The following ZNF595 variants were observed in gnomAD, a reference collection of about 807,000 sequenced individuals.
ZNF595 encodes the protein zinc finger protein 595.
Under a neutral mutation model 19.4 loss-of-function variants are expected in ZNF595, and 9 were observed. The ratio of observed to expected loss-of-function variants is 0.46; its 90% CI spans 0.28 to 0.81. ZNF595 has a LOEUF of 0.81. Among genes scored for constraint, ZNF595 ranks in the 30% least tolerant of loss-of-function variants. The pLI, the probability that ZNF595 is intolerant of heterozygous loss-of-function variation, is 0.11. For missense variants in ZNF595, 729 were observed against 736.0 expected, an observed-to-expected ratio of 0.99 and a Z score of 0.11; for synonymous variants, 255 against 255.9, an observed-to-expected ratio of 1.00 and a Z score of 0.03.
intron 1 of ZNF595, among the ~76,000 whole-genome samples, chr4:54,997 T>A (rs1581309687): frequency 1.3e-5 from 2 of 151,164 alleles, no homozygotes; most frequent in Non-Finnish European, 3.0e-5. Flanking sequence ...TTCTCCTAAC[T>A]CAGTCTCCCG....
In ZNF595 at chr4:87,045, G is replaced by A; in HGVS notation, c.1541G>A (p.Gly514Asp). 7 of 1,613,834 alleles carry A rather than the reference G, an allele frequency of 4.3e-6. No individual in the cohort carries two copies. Among genetic ancestry groups the A allele is most frequent in the Non-Finnish European group, 5.9e-6 (7 of 1,179,974 alleles). Reference protein sequence around the residue: ...GEKPYKCKECGKAFNQSSGLI... With the variant: ...GEKPYKCKECDKAFNQSSGLI... The stretch of plus-strand genomic sequence containing the variant: ...AAACCCTACAAATGTAAAGAATGTG[G>A]CAAAGCTTTTAACCAATCCTCAGGC... Residue 514 changes from glycine to aspartate, a missense_variant, in exon 4 of 4, where the codon GGC becomes GAC. Coordinates refer to ENST00000610261, the MANE Select transcript of ZNF595 (RefSeq NM_182524.4).
At position 87,139 on chromosome 4, in the gene ZNF595, T is replaced by C. The variant is rs368569511; in HGVS notation, c.1635T>C (p.Phe545=). 3 of 1,613,998 alleles carry C rather than the reference T, an allele frequency of 1.9e-6. No homozygotes were observed. ...LYKCEECGKA[F]TRSTALNEHK... ...AATGTGAAGAATGTGGCAAAGCCTT[T>C]ACTCGGTCCACAGCCCTGAATGAAC... is the stretch of plus-strand genomic sequence containing the variant. The change falls in exon 4 of 4, where the codon TTT becomes TTC. Residue 545 remains phenylalanine, a synonymous_variant. Coordinates refer to ENST00000610261, the MANE Select transcript of ZNF595 (RefSeq NM_182524.4).
chr4:68,885 C>T (rs1347034962), intron 3 of ZNF595, among the ~76,000 whole-genome samples: 1 of 152,178 alleles, frequency 6.6e-6, no homozygotes, highest in African/African-American at 2.4e-5. Flanking sequence ...TAACCTTCCC[C>T]ACTTCCCCTG....
At chr4:82,347 C>T (rs931908545) in intron 3 of ZNF595, among the ~76,000 whole-genome samples, 1 of 132,022 alleles carries the variant, frequency 7.6e-6, no homozygotes, top group Non-Finnish European at 1.6e-5. Flanking sequence ...TTAATTTCTA[C>T]AAAAGTCCAT....
rs1553801110 is a variant in ZNF595 at position 85,999 on chromosome 4, A to T, written c.495A>T (p.Ile165=). Residue 165 remains isoleucine (I), a synonymous_variant, in exon 4 of 4, where the codon ATA becomes ATT. Coordinates refer to ENST00000610261, the MANE Select transcript of ZNF595 (RefSeq NM_182524.4). ...SKFSNSNKHK[I]RHTGEKPFKC... is the part of the protein sequence containing the mutation. ...TTTCAAATTCAAACAAACATAAGAT[A>T]AGACATACTGGAGAGAAACCCTTTA... 1 of 1,608,198 alleles carries T rather than the reference A, an allele frequency of 6.2e-7. No individual in the cohort carries two copies. Among genetic ancestry groups the T allele is most frequent in the Admixed American group, 1.7e-5 (1 of 58,724 alleles).
At chr4:74,354 T>C (rs781818509) in intron 3 of ZNF595, among the ~76,000 whole-genome samples, 12 of 152,202 alleles carry the variant, frequency 7.9e-5, no homozygotes, top group Non-Finnish European at 1.2e-4. Context: ...TGTAGTTCTT[T>C]AGTGCTATGC....
At chr4:63,276 T>C (rs1243446420) in intron 3 of ZNF595, among the ~76,000 whole-genome samples, 2 of 141,788 alleles carry the variant, frequency 1.4e-5, no homozygotes, top group Non-Finnish European at 3.1e-5. Context: ...TTTCTCAAGA[T>C]TGCTCAGGTT....
rs34932652 is a variant in ZNF595 at position 82,372 on chromosome 4, GTTTTTTTTTTTTT to G, written c.227-3343_227-3331del. On this transcript the variant is annotated intron_variant, in intron 3 of 3. Coordinates refer to ENST00000610261, the MANE Select transcript of ZNF595 (RefSeq NM_182524.4). ...CAAAAGTCCATTTTTTTGGTTTGTGGTTTTTTTTTTTTTTTTTTTTTTTTTTTTGAGATGGAGT... is the reference window on the plus strand; with the variant it reads ...CAAAAGTCCATTTTTTTGGTTTGTGGTTTTTTTTTTTTTTTGAGATGGAGT... Among the ~76,000 whole-genome samples, 259 of 85,942 alleles carry G rather than the reference GTTTTTTTTTTTTT, an allele frequency of 3.0e-3. 2 individuals carry two copies. The highest frequency in any genetic ancestry group is 0.02 in the Middle Eastern group (3 of 148). 56.4% of individuals were successfully genotyped at this position (85,942 alleles called of 152,430 possible).
At chr4:84,725 C>A (rs1714061509) in intron 3 of ZNF595, among the ~76,000 whole-genome samples, 1 of 152,116 alleles carries the variant, frequency 6.6e-6, no homozygotes, top group Admixed American at 6.5e-5. Context: ...CCTTATTTTA[C>A]TTTTGGAACT....
intron 3 of ZNF595, among the ~76,000 whole-genome samples, chr4:61,587 AT>A (rs1171612030): frequency 6.6e-6 from 1 of 151,810 alleles, no homozygotes; most frequent in African/African-American, 2.4e-5. Flanking sequence ...GGATTCTGTC[AT>A]TGAGCTATAA....
chr4:77,789 A>G lies in ZNF595; in HGVS notation c.227-7942A>G, dbSNP rs574533746. On this transcript the variant is annotated intron_variant, in intron 3 of 3. Coordinates refer to ENST00000610261, the MANE Select transcript of ZNF595 (RefSeq NM_182524.4). ...CTGAGACAAAAAAAAATCCAATTAT[A>G]TATGCAGATGGGGGTGCTGATACAA... Among the ~76,000 whole-genome samples the G allele has an allele frequency of 5.3e-5, 8 of 152,272 alleles. No individual in the cohort carries two copies. The South Asian group carries it at 1.4e-3, about 28-fold the overall frequency.
rs1258566318 is a variant in ZNF595 at position 88,181 on chromosome 4, A to G, written c.*730A>G. The G allele has an allele frequency of 1.3e-5, 2 of 152,190 alleles. No individual in the cohort carries two copies. Among genetic ancestry groups the G allele is most frequent in the Non-Finnish European group, 2.9e-5 (2 of 68,046 alleles). 9.4% of individuals were successfully genotyped at this position (152,190 alleles called of 1,614,324 possible). A position where few individuals can be genotyped will look rare whatever the true frequency, so the allele number is the denominator to read the frequency against. ...TGAACATGTAGCATCTCTTTCCGCA[A>G]ATAAATGCAGACTTTGGTTTTGATT... On this transcript the variant is annotated 3_prime_UTR_variant, in exon 4 of 4. Coordinates refer to ENST00000610261, the MANE Select transcript of ZNF595 (RefSeq NM_182524.4).
chr4:78,158 G>T (rs1228837377), intron 3 of ZNF595, among the ~76,000 whole-genome samples: 1 of 152,072 alleles, frequency 6.6e-6, no homozygotes, highest in Non-Finnish European at 1.5e-5. Flanking sequence ...ACAGGCGTCC[G>T]CGGCCACGTC....
intron 3 of ZNF595, among the ~76,000 whole-genome samples, chr4:74,243 T>C (rs1553798332): frequency 6.6e-6 from 1 of 151,830 alleles, no homozygotes; most frequent in Non-Finnish European, 1.5e-5. Context: ...ATGTTGAGGC[T>C]CTCCAGATTT....
chr4:61,325 G>A (rs1358069275), intron 3 of ZNF595, among the ~76,000 whole-genome samples: 1 of 150,016 alleles, frequency 6.7e-6, no homozygotes, highest in South Asian at 2.1e-4. Context: ...TGCCCGCCAC[G>A]GGGTTTCACC....
chr4:81,567 A>G (rs967368296), intron 3 of ZNF595, among the ~76,000 whole-genome samples: 1 of 152,232 alleles, frequency 6.6e-6, no homozygotes, highest in South Asian at 2.1e-4. Flanking sequence ...TAAACTTTAC[A>G]ATCTTAAATA....
In ZNF595 at chr4:86,867, G is replaced by A. The variant is rs782757318; in HGVS notation, c.1363G>A (p.Glu455Lys). The A allele has an allele frequency of 5.0e-6, 8 of 1,613,000 alleles. No individual in the cohort carries two copies. Among genetic ancestry groups the A allele is most frequent in the Non-Finnish European group, 6.8e-6 (8 of 1,179,646 alleles). Reference protein sequence around the residue: ...IHSGQKPYKCEECGKAFTRST... With the variant: ...IHSGQKPYKCKECGKAFTRST... The stretch of plus-strand genomic sequence containing the variant: ...TTCTGGGCAAAAACCTTACAAATGT[G>A]AAGAATGTGGCAAAGCCTTTACACG... The change falls in exon 4 of 4, where the codon GAA (glutamate) becomes AAA (lysine). Residue 455 changes from glutamate (E) to lysine (K), a missense_variant. By Grantham distance (56) the Glu-to-Lys change is moderately conservative. Coordinates refer to ENST00000610261, the MANE Select transcript of ZNF595 (RefSeq NM_182524.4).
chr4:78,054 G>A (rs1713746093), intron 3 of ZNF595, among the ~76,000 whole-genome samples: 1 of 152,168 alleles, frequency 6.6e-6, no homozygotes, highest in African/African-American at 2.4e-5. Flanking sequence ...TGTCTCCCAG[G>A]CTGGAGTGCA....
chr4:74,404 G>C lies in ZNF595; in HGVS notation c.227-11327G>C, dbSNP rs1175771929. Among the ~76,000 whole-genome samples the C allele has an allele frequency of 2.0e-5, 3 of 152,148 alleles. No individual in the cohort carries two copies. The East Asian group carries it at 5.8e-4, about 29-fold the overall frequency. On this transcript the variant is annotated intron_variant, in intron 3 of 3. Transcript: ENST00000610261. ...CTGTCTGAATGATGTGTTGTATTAAGTAGGGCAATAAAGTTCCCTAGTATT... is the reference window on the plus strand; with the variant it reads ...CTGTCTGAATGATGTGTTGTATTAACTAGGGCAATAAAGTTCCCTAGTATT...
Sources: gnomAD v4.1 joint callset for allele counts (sites outside exome capture counted in the v4.1 genomes callset) on GRCh38, gnomAD v4.1.1 for gene constraint, MANE v1.5 for transcripts, NCBI Gene and HGNC (gene_info 2026-07-23, HGNC 2026-07-21) for gene names.